Variants in MEOX2 observed in about 807,000 individuals in gnomAD.
The protein encoded by MEOX2 is homeobox protein MOX-2.
MEOX2 carries 11 observed loss-of-function variants against 27.0 expected under a neutral mutation model. That is an observed-to-expected ratio of 0.41 (90% CI 0.26 to 0.68). The LOEUF (loss-of-function observed/expected upper bound fraction) is 0.68, where lower values mean the gene tolerates loss of function less well. MEOX2 is among the 30% of genes least tolerant of loss of function. MEOX2 has a pLI of 0.33. For missense variants in MEOX2, 436 were observed against 385.4 expected (o/e 1.13, Z -1.10); for synonymous variants, 189 against 155.4 (o/e 1.22, Z -1.61).
chr7:15,676,782 C>T (rs966965556), intron 1 of MEOX2, among the ~76,000 whole-genome samples: 8 of 151,714 alleles, frequency 5.3e-5, no homozygotes, highest in Non-Finnish European at 8.8e-5. Context: ...CACTTGAACC[C>T]GGACAGCAGA....
chr7:15,636,259 GA>G (rs907399362), intron 1 of MEOX2, among the ~76,000 whole-genome samples: 4 of 151,372 alleles, frequency 2.6e-5, no homozygotes, highest in Non-Finnish European at 4.4e-5. Flanking sequence ...GAGGGTTTGA[GA>G]AAAAAAATCC....
At chr7:15,676,557 C>T (rs1220750685) in intron 1 of MEOX2, among the ~76,000 whole-genome samples, 1 of 152,100 alleles carries the variant, frequency 6.6e-6, no homozygotes, top group East Asian at 1.9e-4. Flanking sequence ...TGCCCTGCCC[C>T]TCTGTACACT....
At chr7:15,676,254 T>C (rs937577350) in intron 1 of MEOX2, 1 of 152,234 alleles carries the variant, frequency 6.6e-6, no homozygotes, top group Non-Finnish European at 1.5e-5. Flanking sequence ...AAATATGTTC[T>C]TTGTAAAAAG....
intron 1 of MEOX2, among the ~76,000 whole-genome samples, chr7:15,663,423 C>T (rs1339771298): frequency 2.6e-5 from 4 of 151,838 alleles, no homozygotes; most frequent in African/African-American, 7.3e-5. Flanking sequence ...ACCTCCTCCT[C>T]CCGGGTTTAA....
At chr7:15,628,152 G>GT (rs916803395) in intron 1 of MEOX2, among the ~76,000 whole-genome samples, 19 of 151,548 alleles carry the variant, frequency 1.3e-4, no homozygotes, top group East Asian at 3.9e-4. Context: ...TTTAGATTAT[G>GT]TTTTTTTTCA....
At chr7:15,620,211 T>C (rs911239510) in intron 2 of MEOX2, among the ~76,000 whole-genome samples, 9 of 152,258 alleles carry the variant, frequency 5.9e-5, no homozygotes, top group African/African-American at 1.9e-4. Flanking sequence ...GTTAAGCAAA[T>C]AAAACATCTT....
At chr7:15,616,328 C>A (rs1377736866) in intron 2 of MEOX2, among the ~76,000 whole-genome samples, 2 of 151,576 alleles carry the variant, frequency 1.3e-5, no homozygotes, top group East Asian at 3.9e-4. Context: ...CTCTAAAAGT[C>A]AATATGTTCA....
chr7:15,672,957 T>A (rs1782127819), intron 1 of MEOX2, among the ~76,000 whole-genome samples: 1 of 151,692 alleles, frequency 6.6e-6, no homozygotes, highest in Non-Finnish European at 1.5e-5. Context: ...CAAACACAGA[T>A]AATTAAACTT....
chr7:15,650,047 C>A (rs750094257), intron 1 of MEOX2, among the ~76,000 whole-genome samples: 7 of 152,044 alleles, frequency 4.6e-5, no homozygotes, highest in Non-Finnish European at 1.0e-4. Flanking sequence ...TTTTAAGGAT[C>A]AGTAATAAAT....
chr7:15,684,467 G>A (rs1400904135), intron 1 of MEOX2, among the ~76,000 whole-genome samples: 1 of 152,116 alleles, frequency 6.6e-6, no homozygotes, highest in Non-Finnish European at 1.5e-5. Context: ...AAACTAATTT[G>A]TGATGGAACA....
chr7:15,642,870 G>A (rs1307359498), intron 1 of MEOX2, among the ~76,000 whole-genome samples: 1 of 152,108 alleles, frequency 6.6e-6, no homozygotes, highest in African/African-American at 2.4e-5. Flanking sequence ...GGCTCTATAT[G>A]ATTTCCTTGG....
chr7:15,681,683 G>A (rs1022432889), intron 1 of MEOX2: 7 of 151,568 alleles, frequency 4.6e-5, no homozygotes, highest in South Asian at 2.1e-4. Flanking sequence ...GGAGAATGGG[G>A]TAATGACTGA....
chr7:15,651,919 C>A (rs1348008315), intron 1 of MEOX2, among the ~76,000 whole-genome samples: 1 of 151,992 alleles, frequency 6.6e-6, no homozygotes, highest in Non-Finnish European at 1.5e-5. Flanking sequence ...TTAGTAATTT[C>A]ACTTCCCCAA....
At chr7:15,685,569 A>G (rs766850316) in intron 1 of MEOX2, among the ~76,000 whole-genome samples, 1 of 152,066 alleles carries the variant, frequency 6.6e-6, no homozygotes. Flanking sequence ...CTCCCTCCCC[A>G]GCGCTGGGAT....
At chr7:15,683,370 A>C (rs538890553) in intron 1 of MEOX2, among the ~76,000 whole-genome samples, 1 of 152,178 alleles carries the variant, frequency 6.6e-6, no homozygotes, top group East Asian at 1.9e-4. Flanking sequence ...TGATCTCACT[A>C]TATAGGATGA....
intron 1 of MEOX2, among the ~76,000 whole-genome samples, chr7:15,637,699 A>G (rs1181979567): frequency 6.6e-6 from 1 of 152,010 alleles, no homozygotes; most frequent in East Asian, 1.9e-4. Flanking sequence ...TCTGTTTACA[A>G]CTCTAGTTAT....
intron 1 of MEOX2, among the ~76,000 whole-genome samples, chr7:15,631,299 T>C (rs1166890141): frequency 6.6e-6 from 1 of 151,876 alleles, no homozygotes; most frequent in African/African-American, 2.4e-5. Flanking sequence ...TTTTTCACTA[T>C]CTGTCCTCTC....
At position 15,611,310 on chromosome 7, in the gene MEOX2, T is replaced by C. The variant is rs1391869452; in HGVS notation, c.*1077A>G. The C allele has an allele frequency of 6.6e-6, 1 of 152,260 alleles. No individual in the cohort carries two copies. 9.4% of individuals were successfully genotyped at this position (152,260 alleles called of 1,614,324 possible). On this transcript the variant is annotated 3_prime_UTR_variant, in exon 3 of 3. Transcript: ENST00000262041. ...TCACATATGAAAAAATAATGTGTTT[T>C]TACCGAATTTAATTTGAAGATATTC...
chr7:15,627,162 A>T (rs1481816667), intron 1 of MEOX2, among the ~76,000 whole-genome samples: 1 of 152,100 alleles, frequency 6.6e-6, no homozygotes, highest in Non-Finnish European at 1.5e-5. Flanking sequence ...CTTATAAAAT[A>T]TTAACAAAAC....
Sources: gnomAD v4.1 joint callset for allele counts (sites outside exome capture counted in the v4.1 genomes callset) on GRCh38, gnomAD v4.1.1 for gene constraint, MANE v1.5 for transcripts, NCBI Gene and HGNC (gene_info 2026-07-23, HGNC 2026-07-21) for gene names.